LCN1: variants seen among roughly 807,000 people sequenced by gnomAD.
LCN1 encodes the protein lipocalin-1.
Under a neutral mutation model 22.3 loss-of-function variants are expected in LCN1, and 25 were observed. That is an observed-to-expected ratio of 1.12 (90% CI 0.82 to 1.56). The LOEUF is 1.56. LCN1 is among the 40% of genes most tolerant of loss of function. The probability of loss-of-function intolerance (pLI) is 0.00; values close to 1 mark genes in which losing one functional copy is unlikely to be tolerated. For synonymous variants in LCN1, 85 were observed against 97.6 expected (o/e 0.87, Z 0.76); for missense variants, 219 against 235.6 (o/e 0.93, Z 0.46).
intron 3 of LCN1, among the ~76,000 whole-genome samples, chr9:135,523,624 C>T (rs1327590130): frequency 6.6e-6 from 1 of 152,206 alleles, no homozygotes; most frequent in African/African-American, 2.4e-5. Context: ...CCTCCGCAGA[C>T]CTCATACCCG....
At position 135,523,305 on chromosome 9, in the gene LCN1, G is replaced by C; in HGVS notation, c.292+3G>C. 1 of 1,612,162 alleles carries C rather than the reference G, an allele frequency of 6.2e-7. No individual in the cohort carries two copies. On this transcript the variant is annotated splice_donor_region_variant and intron_variant, in intron 3 of 6. Coordinates refer to ENST00000371781, the MANE Select transcript of LCN1 (RefSeq NM_002297.4). ...CGAGCCGGGAAAATACACGGCCGGT[G>C]AGTCCCGGGGCCTGAGCCAGAGCCT...
In LCN1 at chr9:135,524,871, G is replaced by C. The variant is rs149613064; in HGVS notation, c.445G>C (p.Glu149Gln). The change falls in exon 5 of 7, where the codon GAG becomes CAG. Residue 149 changes from glutamate (E) to glutamine (Q), a missense_variant. Glu to Gln is a conservative substitution (Grantham distance 29). Coordinates refer to ENST00000371781, the MANE Select transcript of LCN1 (RefSeq NM_002297.4). ...CAACCTGGAAGCCTTGGAGGACTTT[G>C]AGAAAGCCGCAGGAGCCCGCGGACT... The part of the protein sequence containing the change: ...KNNLEALEDF[E>Q]KAAGARGLST... The C allele has an allele frequency of 3.3e-5, 53 of 1,608,396 alleles. No individual in the cohort carries two copies. Among genetic ancestry groups the C allele is most frequent in the Admixed American group, 1.7e-4 (10 of 59,418 alleles).
At chr9:135,523,063 G>GT (rs1831538312) in intron 2 of LCN1, among the ~76,000 whole-genome samples, 169 bp from the exon 3 acceptor site, 1 of 152,230 alleles carries the variant, frequency 6.6e-6, no homozygotes, top group East Asian at 1.9e-4. Flanking sequence ...CTGCCGCATG[G>GT]GACCCGGAGG....
At chr9:135,522,364 C>T (rs1185742567) in intron 2 of LCN1, among the ~76,000 whole-genome samples, 187 bp downstream of exon 2, 1 of 152,210 alleles carries the variant, frequency 6.6e-6, no homozygotes, top group Non-Finnish European at 1.5e-5. Context: ...CCTGAGGGGG[C>T]AGAGGCCCCG....
In LCN1 at chr9:135,522,691, A is replaced by G. The variant is rs73666345; in HGVS notation, c.221+514A>G. 3.3e-3 allele frequency among the ~76,000 whole-genome samples: 494 copies of G among 151,734 alleles called. 3 individuals are homozygous for G. The highest frequency in any genetic ancestry group is 0.011 in the African/African-American group (440 of 41,226). On this transcript the variant is annotated intron_variant, in intron 2 of 6. Transcript: ENST00000371781. ...ACATCTGTGACTTCCCACCTGTGTG[A>G]TTTCACCCGCATGGCTCCCTCCTGA...
chr9:135,523,354 G>C (rs755364188), intron 3 of LCN1, 52 bp downstream of exon 3: 13 of 1,551,938 alleles, frequency 8.4e-6, no homozygotes, highest in African/African-American at 8.2e-5. Flanking sequence ...CGCTGGATGT[G>C]CGGGGGCAGC....
At position 135,526,475 on chromosome 9, in the gene LCN1, C is replaced by T. The variant is rs1027731541; in HGVS notation, c.*133C>T. 9.4e-6 allele frequency: 12 copies of T among 1,281,830 alleles called. No individual in the cohort carries two copies. The highest frequency in any genetic ancestry group is 1.1e-4 in the East Asian group (2 of 17,774). The allele number at this position is 1,281,830 out of a possible 1,614,324, so 79.4% of individuals were successfully genotyped here. On this transcript the variant is annotated 3_prime_UTR_variant, in exon 7 of 7. Coordinates refer to ENST00000371781, the MANE Select transcript of LCN1 (RefSeq NM_002297.4). ...GGCTGCACCCCTTCCTACCACCCCC[C>T]GCCTTCCCCCTGCCCTGCGCCCCCT...
At chr9:135,525,098 G>T (rs755896031) in intron 5 of LCN1, 34 bp from the exon 6 acceptor site, 3 of 1,610,486 alleles carry the variant, frequency 1.9e-6, no homozygotes, top group Non-Finnish European at 1.7e-6. Context: ...GCATTCCTGG[G>T]GTCTCCTAAC....
In LCN1 at chr9:135,525,010, C is replaced by T. The variant is rs565183669; in HGVS notation, c.505+79C>T. On this transcript the variant is annotated intron_variant, in intron 5 of 6. Coordinates refer to ENST00000371781, the MANE Select transcript of LCN1 (RefSeq NM_002297.4). ...AGAGCTGCATTGCACGGGCGCATAA[C>T]TGTGCTGCGTCTAATTCTGGCTTTG... 1.7e-4 allele frequency: 261 copies of T among 1,555,708 alleles called. 2 individuals are homozygous for T. The African/African-American group carries it at 1.8e-3, about 11-fold the overall frequency.
chr9:135,525,150 G>A lies in LCN1; in HGVS notation c.524G>A (p.Ser175Asn). Reference sequence around the variant, plus strand: ...CCTGCAGAAACCTGCTCTCCAGGGAGCGATTAGGGTGAGTGAACAGCTTTA... The same window carrying A: ...CCTGCAGAAACCTGCTCTCCAGGGAACGATTAGGGTGAGTGAACAGCTTTA... ...PRQSETCSPGSD is the reference protein window; with the variant it reads ...PRQSETCSPGND The change falls in exon 6 of 7, where the codon AGC becomes AAC. Residue 175 changes from serine to asparagine, a missense_variant. Physicochemically the swap from Ser to Asn is conservative, Grantham distance 46. Coordinates refer to ENST00000371781, the MANE Select transcript of LCN1 (RefSeq NM_002297.4). 1 of 1,613,694 alleles carries A rather than the reference G, an allele frequency of 6.2e-7. No individual in the cohort carries two copies. Among genetic ancestry groups the A allele is most frequent in the Non-Finnish European group, 8.5e-7 (1 of 1,179,766 alleles).
At chr9:135,522,241 C>T (rs913690577) in intron 2 of LCN1, 64 bp downstream of exon 2, 18 of 1,545,732 alleles carry the variant, frequency 1.2e-5, no homozygotes, top group Non-Finnish European at 1.5e-5. Flanking sequence ...TTTCCCCACC[C>T]AGGAGAGCTC....
In LCN1 at chr9:135,523,975, G is replaced by A. The variant is rs748161433; in HGVS notation, c.388G>A (p.Gly130Arg). 2 of 1,613,910 alleles carry A rather than the reference G, an allele frequency of 1.2e-6. No homozygotes were observed. Among genetic ancestry groups the A allele is most frequent in the South Asian group, 1.1e-5 (1 of 91,078 alleles). ...EGELHGKPVR[G>R]VKLVGRDPKN... ...CGAGCTGCACGGGAAGCCGGTCCGA[G>A]GGGTGAAGCTCGTGGGTGGGTCCCG... The change falls in exon 4 of 7, where the codon GGG becomes AGG. Residue 130 changes from glycine to arginine, a missense_variant. Physicochemically the swap from Gly to Arg is moderately radical, Grantham distance 125. Transcript: ENST00000371781.
rs755955757 is a variant in LCN1 at position 135,524,931 on chromosome 9, G to A, written c.505G>A (p.Glu169Lys). The change falls in exon 5 of 7, where the codon GAA becomes AAA. Residue 169 changes from glutamate to lysine, a missense_variant and splice_region_variant. By Grantham distance (56) the Glu-to-Lys change is moderately conservative. Transcript: ENST00000371781. ...GAGCATCCTCATCCCCAGGCAGAGC[G>A]GTAGGAGGCATGGCCCTGCAGAGCC... ...TESILIPRQS[E>K]TCSPGSD 64 of 1,604,718 alleles carry A rather than the reference G, an allele frequency of 4.0e-5. No homozygotes were observed. Among genetic ancestry groups the A allele is most frequent in the Admixed American group, 1.0e-4 (6 of 58,768 alleles).
At chr9:135,521,797 G>C (rs551872805) in intron 1 of LCN1, among the ~76,000 whole-genome samples, 2 of 151,826 alleles carry the variant, frequency 1.3e-5, no homozygotes, top group Non-Finnish European at 2.9e-5. Context: ...GGCTGGGAGG[G>C]TGGGGGTCTG....
intron 4 of LCN1, among the ~76,000 whole-genome samples, chr9:135,524,195 G>A (rs1486938778): frequency 1.3e-5 from 2 of 152,208 alleles, no homozygotes; most frequent in African/African-American, 4.8e-5. Flanking sequence ...GGTATCTGCA[G>A]CAGAGGCAGG....
chr9:135,524,533 A>G (rs1175906883), intron 4 of LCN1, among the ~76,000 whole-genome samples: 1 of 152,120 alleles, frequency 6.6e-6, no homozygotes, highest in Non-Finnish European at 1.5e-5. Context: ...TGGTGCCCCC[A>G]AGGGGAGAGG....
chr9:135,523,809 G>A (rs1831559405), intron 3 of LCN1, 71 bp from the exon 4 acceptor site: 24 of 1,314,100 alleles, frequency 1.8e-5, no homozygotes, highest in Middle Eastern at 1.9e-4. Context: ...GCCTGGCAAC[G>A]CACGCTGTCC....
chr9:135,522,362 G>A (rs1158437291), intron 2 of LCN1, among the ~76,000 whole-genome samples, 185 bp downstream of exon 2: 1 of 152,222 alleles, frequency 6.6e-6, no homozygotes, highest in Non-Finnish European at 1.5e-5. Flanking sequence ...GCCCTGAGGG[G>A]GCAGAGGCCC....
At chr9:135,525,000 G>A (rs1169360349) in intron 5 of LCN1, 69 bp downstream of exon 5, 17 of 1,544,592 alleles carry the variant, frequency 1.1e-5, no homozygotes, top group East Asian at 2.2e-5. Context: ...TGCATTGCAC[G>A]GGCGCATAAC....
Sources: gnomAD v4.1 joint callset for allele counts (sites outside exome capture counted in the v4.1 genomes callset) on GRCh38, gnomAD v4.1.1 for gene constraint, MANE v1.5 for transcripts, NCBI Gene and HGNC (gene_info 2026-07-23, HGNC 2026-07-21) for gene names.